Variants in TUSC3 observed in about 807,000 individuals in gnomAD.
The protein encoded by TUSC3 is dolichyl-diphosphooligosaccharide--protein glycosyltransferase subunit TUSC3.
In TUSC3, 45 loss-of-function variants were observed where a neutral mutation model predicts 44.8. That is an observed-to-expected ratio of 1.00 (90% CI 0.79 to 1.29). The LOEUF (loss-of-function observed/expected upper bound fraction) is 1.29, where lower values mean the gene tolerates loss of function less well. Ranked by LOEUF, TUSC3 falls within the 50% of genes most tolerant of loss-of-function variation. TUSC3 has a pLI of 0.00. For missense variants in TUSC3, 519 were observed against 437.9 expected, an observed-to-expected ratio of 1.19 and a Z score of -1.65; for synonymous variants, 212 against 152.9, an observed-to-expected ratio of 1.39 and a Z score of -2.85.
intron 6 of TUSC3, among the ~76,000 whole-genome samples, chr8:15,693,694 T>G (rs979250368): frequency 2.0e-5 from 3 of 152,078 alleles, no homozygotes; most frequent in African/African-American, 7.2e-5. Context: ...TTGGCCTCTC[T>G]GGCAAGCTTG....
At position 15,650,802 on chromosome 8, in the gene TUSC3, C is replaced by G; in HGVS notation, c.414C>G (p.Asp138Glu). ...TGGTGGACTATGATGAGGGGACAGA[C>G]GTTTTTCAGCAGGTAAAGAGTTATA... is the stretch of plus-strand genomic sequence containing the variant. The part of the protein sequence containing the change: ...FSMVDYDEGT[D>E]VFQQLNMNSA... The change falls in exon 3 of 11, where the codon GAC (aspartate) becomes GAG (glutamate). Residue 138 changes from aspartate (D) to glutamate (E), a missense_variant. Transcript: ENST00000503731. The G allele has an allele frequency of 1.2e-6, 2 of 1,613,712 alleles. No homozygotes were observed. Among genetic ancestry groups the G allele is most frequent in the South Asian group, 1.1e-5 (1 of 91,072 alleles).
At chr8:15,430,444 A>C (rs1051386442) in intron 1 of TUSC3, among the ~76,000 whole-genome samples, 3 of 150,402 alleles carry the variant, frequency 2.0e-5, no homozygotes, top group African/African-American at 7.4e-5. Flanking sequence ...CATGTTAAAA[A>C]CTCTCAATAA....
At chr8:15,523,493 C>T (rs1212613201) in intron 2 of TUSC3, among the ~76,000 whole-genome samples, 6 of 151,800 alleles carry the variant, frequency 4.0e-5, no homozygotes, top group Non-Finnish European at 8.8e-5. Context: ...ATTTATTCTG[C>T]TTATTCCAAA....
intron 8 of TUSC3, among the ~76,000 whole-genome samples, chr8:15,744,488 G>A (rs980218741): frequency 6.6e-6 from 1 of 152,060 alleles, no homozygotes; most frequent in Non-Finnish European, 1.5e-5. Context: ...TGTATGAGCA[G>A]TATAGGTATC....
intron 8 of TUSC3, 95 bp downstream of exon 8, chr8:15,743,707 C>T (rs2129214686): frequency 1.1e-5 from 15 of 1,315,166 alleles, no homozygotes; most frequent in Non-Finnish European, 1.6e-5. Context: ...TGTAAACAAA[C>T]TTCTAAAGAA....
At chr8:15,692,335 C>A (rs1808937679) in intron 6 of TUSC3, among the ~76,000 whole-genome samples, 1 of 139,748 alleles carries the variant, frequency 7.2e-6, no homozygotes, top group African/African-American at 2.6e-5. Flanking sequence ...ATGCTAGCCT[C>A]ATAGAATGAG....
rs1302725362 is a variant in TUSC3 at position 15,691,210 on chromosome 8, CA to C, written c.798+17375del. Among the ~76,000 whole-genome samples the C allele has an allele frequency of 4.6e-5, 7 of 152,030 alleles. No homozygotes were observed. In the South Asian group the frequency reaches 1.2e-3, roughly 27 times the overall value. Reference sequence around the variant, plus strand: ...AACATTTTATAATTATGAAATATTTCAGAGGTCTTTTACCTCCCTGATAACC... The same window carrying C: ...AACATTTTATAATTATGAAATATTTCGAGGTCTTTTACCTCCCTGATAACC... On this transcript the variant is annotated intron_variant, in intron 6 of 10. Transcript: ENST00000503731.
chr8:15,824,969 T>A, the TUSC3 span, among the ~76,000 whole-genome samples: 1 of 152,170 alleles, frequency 6.6e-6, no homozygotes, highest in Non-Finnish European at 1.5e-5. Flanking sequence ...CTATATAAAC[T>A]AGACACTTGA....
At chr8:15,707,422 T>C (rs922323799) in intron 6 of TUSC3, among the ~76,000 whole-genome samples, 2 of 151,982 alleles carry the variant, frequency 1.3e-5, no homozygotes, top group Non-Finnish European at 2.9e-5. Context: ...TTTTTAAACC[T>C]ATATTTTTTA....
chr8:15,440,740 T>C (rs987280788), intron 1 of TUSC3, among the ~76,000 whole-genome samples: 3 of 152,216 alleles, frequency 2.0e-5, no homozygotes, highest in African/African-American at 7.2e-5. Context: ...GACACTATGA[T>C]ATTCTTCAGG....
At chr8:15,738,813 A>G (rs1327123999) in intron 7 of TUSC3, among the ~76,000 whole-genome samples, 1 of 107,144 alleles carries the variant, frequency 9.3e-6, no homozygotes, top group Non-Finnish European at 2.0e-5. Context: ...CAAAATTACT[A>G]TTAATATATC....
At chr8:15,427,653 T>TA in intron 1 of TUSC3, among the ~76,000 whole-genome samples, 1 of 151,272 alleles carries the variant, frequency 6.6e-6, no homozygotes, top group East Asian at 1.9e-4. Flanking sequence ...ACTTCTTCTC[T>TA]AAAACTTGCC....
In TUSC3 at chr8:15,582,919, C is replaced by G. The variant is rs1032234024; in HGVS notation, c.139-40161C>G. Reference sequence around the variant, plus strand: ...CTTTGTTCTTCAGACATACTGAAGACCACTCAGTCTGTATATACCTCAAAT... The same window carrying G: ...CTTTGTTCTTCAGACATACTGAAGAGCACTCAGTCTGTATATACCTCAAAT... On this transcript the variant is annotated intron_variant, in intron 1 of 10. Coordinates refer to ENST00000503731, the MANE Select transcript of TUSC3 (RefSeq NM_006765.4). Among the ~76,000 whole-genome samples the G allele has an allele frequency of 4.8e-4, 73 of 152,192 alleles. 1 individual carries two copies. Among genetic ancestry groups the G allele is most frequent in the Non-Finnish European group, 1.5e-4 (10 of 68,036 alleles).
chr8:15,662,063 T>A, intron 4 of TUSC3, 93 bp from the exon 5 acceptor site: 1 of 1,419,788 alleles, frequency 7.0e-7, no homozygotes, highest in Non-Finnish European at 9.8e-7. Flanking sequence ...TGTTTCTGAG[T>A]TCTTTGCGTT....
intron 2 of TUSC3, among the ~76,000 whole-genome samples, chr8:15,628,035 C>T (rs1805594319): frequency 6.6e-6 from 1 of 152,180 alleles, no homozygotes; most frequent in Non-Finnish European, 1.5e-5. Flanking sequence ...AAGCCCTACT[C>T]AGACAAAATA....
chr8:15,841,180 T>TAC, the TUSC3 span, among the ~76,000 whole-genome samples: 1 of 151,728 alleles, frequency 6.6e-6, no homozygotes, highest in South Asian at 2.1e-4. Context: ...TATATATATA[T>TAC]ATACACACAC....
chr8:15,764,278 T>A lies in TUSC3; in HGVS notation c.*122T>A. 6.5e-7 allele frequency: 1 copy of A among 1,549,072 alleles called. No homozygotes were observed. The highest frequency in any genetic ancestry group is 1.4e-5 in the African/African-American group (1 of 73,480). ...CATGAAGATAAACTGTTCCTGACTT[T>A]ATACTATTTTGAATTCATTCATTTC... On this transcript the variant is annotated 3_prime_UTR_variant, in exon 11 of 11. Coordinates refer to ENST00000503731, the MANE Select transcript of TUSC3 (RefSeq NM_006765.4).
intron 6 of TUSC3, among the ~76,000 whole-genome samples, chr8:15,690,426 G>T (rs529335930): frequency 5.0e-4 from 76 of 151,976 alleles, no homozygotes; most frequent in African/African-American, 1.8e-3. Context: ...ATAATTTGCA[G>T]CCACTTTCTC....
At chr8:15,638,175 G>T (rs768448112) in intron 2 of TUSC3, among the ~76,000 whole-genome samples, 1 of 138,268 alleles carries the variant, frequency 7.2e-6, no homozygotes, top group Non-Finnish European at 1.6e-5. Flanking sequence ...GCCGCCCCCC[G>T]TATTTCGCCT....
Sources: allele counts gnomAD v4.1 joint callset (sites outside exome capture counted in the v4.1 genomes callset), GRCh38; gene constraint gnomAD v4.1.1; transcripts MANE v1.5; gene names NCBI Gene and HGNC (gene_info 2026-07-23, HGNC 2026-07-21).